Variants in GRAMD1B observed in about 807,000 individuals in gnomAD.
The protein encoded by GRAMD1B is protein Aster-B.
In GRAMD1B, 37 loss-of-function variants were observed where a neutral mutation model predicts 99.7. The ratio of observed to expected loss-of-function variants is 0.37; its 90% CI spans 0.29 to 0.49. GRAMD1B has a LOEUF of 0.49. GRAMD1B is among the 20% of genes least tolerant of loss of function. The probability of loss-of-function intolerance (pLI) is 0.98; values close to 1 mark genes in which losing one functional copy is unlikely to be tolerated. For missense variants in GRAMD1B, 888 were observed against 1,009.2 expected, an observed-to-expected ratio of 0.88 and a Z score of 1.63; for synonymous variants, 427 against 387.6, an observed-to-expected ratio of 1.10 and a Z score of -1.19.
chr11:123,603,018 G>A (rs1345275936), intron 8 of GRAMD1B, among the ~76,000 whole-genome samples: 1 of 152,152 alleles, frequency 6.6e-6, no homozygotes, highest in African/African-American at 2.4e-5. Flanking sequence ...ACCGGGTCAG[G>A]GGACCTCTGG....
intron 1 of GRAMD1B, among the ~76,000 whole-genome samples, chr11:123,408,377 C>T (rs568483270): frequency 1.3e-5 from 2 of 152,282 alleles, no homozygotes; most frequent in Admixed American, 1.3e-4. Context: ...GGCTGATAAC[C>T]CCCCTCACCC....
At chr11:123,580,053 C>G (rs1277519067) in intron 3 of GRAMD1B, among the ~76,000 whole-genome samples, 1 of 152,216 alleles carries the variant, frequency 6.6e-6, no homozygotes, top group Non-Finnish European at 1.5e-5. Flanking sequence ...TGGTTACCCA[C>G]TTCCCCACCT....
intron 1 of GRAMD1B, among the ~76,000 whole-genome samples, chr11:123,384,922 G>T (rs1369488973): frequency 6.6e-6 from 1 of 152,108 alleles, no homozygotes; most frequent in African/African-American, 2.4e-5. Context: ...TCAATTAATA[G>T]GTGTGGCTGT....
intron 3 of GRAMD1B, chr11:123,578,399 C>T (rs1948967159): frequency 6.5e-7 from 1 of 1,526,814 alleles, no homozygotes; most frequent in Admixed American, 2.0e-5. Flanking sequence ...TCTTTGCATG[C>T]ATGGTCTTAG....
At chr11:123,547,693 T>C (rs1945155258) in intron 2 of GRAMD1B, among the ~76,000 whole-genome samples, 1 of 152,234 alleles carries the variant, frequency 6.6e-6, no homozygotes, top group African/African-American at 2.4e-5. Flanking sequence ...CTAGTTACTT[T>C]ACAGTTTTGC....
chr11:123,606,569 C>T (rs756844314), intron 10 of GRAMD1B, 40 bp from the exon 11 acceptor site: 2 of 1,554,196 alleles, frequency 1.3e-6, no homozygotes, highest in East Asian at 4.6e-5. Context: ...AGATCCAGAC[C>T]AGGTTTCCCT....
chr11:123,405,677 C>G (rs1218180542), intron 1 of GRAMD1B, among the ~76,000 whole-genome samples: 10 of 152,122 alleles, frequency 6.6e-5, no homozygotes, highest in Non-Finnish European at 7.4e-5. Flanking sequence ...AACAGGTCCC[C>G]AAAAGCTGAT....
intron 2 of GRAMD1B, among the ~76,000 whole-genome samples, chr11:123,527,177 G>T (rs1038040701): frequency 1.3e-5 from 2 of 152,168 alleles, no homozygotes; most frequent in African/African-American, 4.8e-5. Context: ...CTGTCCACGC[G>T]TGGGGTGGGG....
Position 123,600,537 on chromosome 11 carries a change from C to G in GRAMD1B, c.1039C>G (p.Leu347Val). The G allele has an allele frequency of 6.2e-7, 1 of 1,611,284 alleles. No individual in the cohort carries two copies. Among genetic ancestry groups the G allele is most frequent in the Non-Finnish European group, 8.5e-7 (1 of 1,177,568 alleles). ...MMMFRLWQNA[L>V]LEKPLCPKEL... ...GATGTTCCGGCTCTGGCAGAATGCTCTCCTTGAAAAGGTAAGTACGGCCGA... is the reference window on the plus strand; with the variant it reads ...GATGTTCCGGCTCTGGCAGAATGCTGTCCTTGAAAAGGTAAGTACGGCCGA... Residue 347 changes from leucine (L) to valine (V), a missense_variant, in exon 8 of 20, where the codon CTC (leucine) becomes GTC (valine). Around this residue, in one of 5 missense-constraint regions of GRAMD1B, gnomAD observed 269 missense variants for 296.6 expected, o/e 0.91. Coordinates refer to ENST00000635736, the MANE Select transcript of GRAMD1B (RefSeq NM_001387025.1).
At chr11:123,401,996 G>A (rs1947679513) in intron 1 of GRAMD1B, among the ~76,000 whole-genome samples, 1 of 152,206 alleles carries the variant, frequency 6.6e-6, no homozygotes, top group South Asian at 2.1e-4. Flanking sequence ...CAGAAGGCTT[G>A]TGAAGCTACC....
At chr11:123,372,003 G>GA (rs112368810) in intron 1 of GRAMD1B, among the ~76,000 whole-genome samples, 12 of 149,862 alleles carry the variant, frequency 8.0e-5, no homozygotes, top group South Asian at 6.3e-4. Context: ...AAAATCAGGG[G>GA]AAAAAAAAAA....
chr11:123,491,857 A>C, intron 2 of GRAMD1B: 1 of 399,252 alleles, frequency 2.5e-6, no homozygotes. Flanking sequence ...AGCATGGTGC[A>C]GAATCTACAG....
chr11:123,359,780 A>G (rs1238222068), intron 1 of GRAMD1B, among the ~76,000 whole-genome samples: 1 of 152,216 alleles, frequency 6.6e-6, no homozygotes, highest in Non-Finnish European at 1.5e-5. Context: ...CTTGTAAAAA[A>G]TAATAAAATG....
intron 1 of GRAMD1B, among the ~76,000 whole-genome samples, chr11:123,478,535 T>A (rs1359126573): frequency 6.6e-6 from 1 of 152,230 alleles, no homozygotes; most frequent in Non-Finnish European, 1.5e-5. Flanking sequence ...TTCCGGTTCC[T>A]GAGGCTCCTT....
chr11:123,535,044 CA>C (rs1287671650), intron 2 of GRAMD1B, among the ~76,000 whole-genome samples: 1 of 152,064 alleles, frequency 6.6e-6, no homozygotes, highest in Non-Finnish European at 1.5e-5. Context: ...CAGACAACCT[CA>C]AAAGTGAGGC....
chr11:123,552,066 G>A (rs1266263646), intron 2 of GRAMD1B, among the ~76,000 whole-genome samples: 2 of 152,042 alleles, frequency 1.3e-5, no homozygotes, highest in Non-Finnish European at 2.9e-5. Context: ...CCACATAGGA[G>A]GCTTAATGTC....
At chr11:123,540,381 A>G (rs927426719) in intron 2 of GRAMD1B, among the ~76,000 whole-genome samples, 1 of 152,208 alleles carries the variant, frequency 6.6e-6, no homozygotes, top group Non-Finnish European at 1.5e-5. Flanking sequence ...CACCCAGCTG[A>G]GTTATCCTAA....
chr11:123,612,613 G>T, intron 14 of GRAMD1B, 148 bp from the exon 15 acceptor site: 1 of 683,534 alleles, frequency 1.5e-6, no homozygotes, highest in Non-Finnish European at 2.7e-6. Flanking sequence ...TGACTTCAGA[G>T]GGTGAGATGG....
intron 1 of GRAMD1B, among the ~76,000 whole-genome samples, chr11:123,392,744 G>A (rs909757389): frequency 6.6e-6 from 1 of 152,054 alleles, no homozygotes; most frequent in Non-Finnish European, 1.5e-5. Context: ...TTTATTCCTT[G>A]GCAACTAGTT....
Sources: gnomAD v4.1 joint callset for allele counts (sites outside exome capture counted in the v4.1 genomes callset) on GRCh38, gnomAD v4.1.1 for gene constraint, gnomAD v4.1.1 regional missense constraint, MANE v1.5 for transcripts, NCBI Gene and HGNC (gene_info 2026-07-23, HGNC 2026-07-21) for gene names.